Variants in ERBB4 observed in about 807,000 individuals in gnomAD.
ERBB4 encodes receptor tyrosine-protein kinase erbB-4.
A neutral mutation model predicts 158.0 loss-of-function variants in ERBB4; 42 were observed. The observed-to-expected ratio is 0.27, with a 90% CI of 0.21 to 0.34. The LOEUF (loss-of-function observed/expected upper bound fraction) is 0.34, where lower values mean the gene tolerates loss of function less well. Ranked by LOEUF, ERBB4 falls within the 10% of genes least tolerant of loss-of-function variation. ERBB4 has a pLI of 1.00. For missense variants in ERBB4, 1,333 were observed against 1,624.1 expected (o/e 0.82, Z 3.08); for synonymous variants, 583 against 558.7 (o/e 1.04, Z -0.61).
At chr2:212,034,232 T>A (rs2076964713) in intron 2 of ERBB4, among the ~76,000 whole-genome samples, 1 of 151,978 alleles carries the variant, frequency 6.6e-6, no homozygotes, top group South Asian at 2.1e-4. Context: ...GCAGGGAATA[T>A]CAATTATGCA....
At chr2:211,905,744 G>GTATATATATATATATATATATATA (rs66837219) in intron 3 of ERBB4, among the ~76,000 whole-genome samples, 1 of 119,388 alleles carries the variant, frequency 8.4e-6, no homozygotes, top group African/African-American at 3.2e-5. Context: ...GCATGTGTGT[G>GTATATATATATATATATATATATA]TATATATATA....
chr2:211,415,201 C>T (rs1273718785), intron 25 of ERBB4, among the ~76,000 whole-genome samples: 2 of 147,072 alleles, frequency 1.4e-5, no homozygotes, highest in Non-Finnish European at 3.0e-5. Context: ...ACTGCAAGCT[C>T]CGCCTCCCGG....
chr2:211,995,853 TTCTA>T (rs1416237409), intron 2 of ERBB4, among the ~76,000 whole-genome samples: 2 of 152,206 alleles, frequency 1.3e-5, no homozygotes, highest in Non-Finnish European at 2.9e-5. Flanking sequence ...TATTCCCATA[TTCTA>T]TCTATGATAG....
intron 1 of ERBB4, among the ~76,000 whole-genome samples, chr2:212,532,927 G>C (rs992127000): frequency 1.3e-5 from 2 of 152,186 alleles, no homozygotes; most frequent in African/African-American, 4.8e-5. Context: ...TTGTAAAAGG[G>C]ACAGCTTTCC....
chr2:212,512,704 G>A (rs113884701), intron 1 of ERBB4, among the ~76,000 whole-genome samples: 1,657 of 152,210 alleles, frequency 0.011, 12 homozygotes, highest in Middle Eastern at 0.024. Context: ...ATACTAGTTT[G>A]ATAGGGTATC....
chr2:212,361,246 C>T (rs1265705779), intron 1 of ERBB4, among the ~76,000 whole-genome samples: 1 of 151,484 alleles, frequency 6.6e-6, no homozygotes, highest in Non-Finnish European at 1.5e-5. Context: ...TGATCTGAGG[C>T]TTTCAGGAAG....
At chr2:212,403,642 T>C (rs897518174) in intron 1 of ERBB4, among the ~76,000 whole-genome samples, 1 of 151,948 alleles carries the variant, frequency 6.6e-6, no homozygotes, top group African/African-American at 2.4e-5. Flanking sequence ...GAAAAACAAA[T>C]ACTGCGTGGG....
chr2:211,767,516 C>T (rs2075580542), intron 4 of ERBB4, among the ~76,000 whole-genome samples: 1 of 152,234 alleles, frequency 6.6e-6, no homozygotes, highest in Admixed American at 6.5e-5. Flanking sequence ...CTACCCCAAA[C>T]TGGGTAATTT....
intron 16 of ERBB4, among the ~76,000 whole-genome samples, chr2:211,642,975 T>C (rs543334882): frequency 6.6e-6 from 1 of 152,226 alleles, no homozygotes; most frequent in East Asian, 1.9e-4. Flanking sequence ...AAAATAATAT[T>C]TTCTCCTAAA....
chr2:211,942,330 T>TTTTATTTA (rs200095181), intron 3 of ERBB4, among the ~76,000 whole-genome samples: 2,058 of 145,824 alleles, frequency 0.014, 27 homozygotes, highest in African/African-American at 0.031. Context: ...GGATGAAGCA[T>TTTTATTTA]TTTATTTATT....
At chr2:211,886,116 C>T (rs2078793994) in intron 3 of ERBB4, among the ~76,000 whole-genome samples, 1 of 152,126 alleles carries the variant, frequency 6.6e-6, no homozygotes, top group Non-Finnish European at 1.5e-5. Context: ...TGGGCATATA[C>T]AGTTTCTGTT....
intron 2 of ERBB4, among the ~76,000 whole-genome samples, chr2:212,090,502 GA>G (rs972869273): frequency 1.3e-5 from 2 of 152,062 alleles, no homozygotes; most frequent in African/African-American, 4.8e-5. Flanking sequence ...CTATCCTATA[GA>G]AGCATCTAGT....
intron 1 of ERBB4, among the ~76,000 whole-genome samples, chr2:212,395,411 T>C (rs2090995215): frequency 6.6e-6 from 1 of 151,718 alleles, no homozygotes. Flanking sequence ...AATAAATAAA[T>C]ATAAAAGAAA....
intron 1 of ERBB4, among the ~76,000 whole-genome samples, chr2:212,373,699 C>A (rs892941532): frequency 4.2e-5 from 6 of 143,738 alleles, no homozygotes; most frequent in Non-Finnish European, 9.1e-5. Context: ...ACATATATAT[C>A]CATATATATA....
At chr2:211,423,982 G>A (rs141723041) in intron 23 of ERBB4, among the ~76,000 whole-genome samples, 173 bp downstream of exon 23, 2 of 151,926 alleles carry the variant, frequency 1.3e-5, no homozygotes, top group Admixed American at 1.3e-4. Context: ...GCATGGAAGA[G>A]TATTACTTTA....
intron 3 of ERBB4, among the ~76,000 whole-genome samples, chr2:211,867,024 CAAAAAA>C (rs386392490): frequency 3.3e-5 from 2 of 60,624 alleles, no homozygotes; most frequent in South Asian, 8.2e-4. Flanking sequence ...TCCTTAAAAC[CAAAAAA>C]AAAAAAAAAA....
At chr2:211,588,853 A>C (rs2068371668) in intron 19 of ERBB4, among the ~76,000 whole-genome samples, 1 of 152,138 alleles carries the variant, frequency 6.6e-6, no homozygotes. Context: ...AAGATTTAGA[A>C]TTTTCTGTCA....
intron 20 of ERBB4, among the ~76,000 whole-genome samples, chr2:211,478,202 T>C (rs2065003146): frequency 6.6e-6 from 1 of 152,128 alleles, no homozygotes; most frequent in African/African-American, 2.4e-5. Context: ...CACAGCACTA[T>C]CTATACCAGA....
At chr2:212,310,609 ATGTG>A (rs56209146) in intron 1 of ERBB4, among the ~76,000 whole-genome samples, 80,663 of 143,190 alleles carry the variant, frequency 0.56, 24,604 homozygotes, top group East Asian at 0.77. Flanking sequence ...ATATATGTAT[ATGTG>A]TGTGTGTGTG....
Sources: allele counts gnomAD v4.1 joint callset (sites outside exome capture counted in the v4.1 genomes callset), GRCh38; gene constraint gnomAD v4.1.1; transcripts MANE v1.5; gene names NCBI Gene and HGNC (gene_info 2026-07-23, HGNC 2026-07-21).